DCP1A: variants seen among roughly 807,000 people sequenced by gnomAD.
DCP1A encodes decapping mRNA 1A, also known as mRNA-decapping enzyme 1A.
DCP1A carries 20 observed loss-of-function variants against 58.0 expected under a neutral mutation model. The ratio of observed to expected loss-of-function variants is 0.34; its 90% CI spans 0.24 to 0.50. The LOEUF is 0.50. Ranked by LOEUF, DCP1A falls within the 20% of genes least tolerant of loss-of-function variation. The pLI is 0.98. For synonymous variants in DCP1A, 285 were observed against 275.1 expected, an observed-to-expected ratio of 1.04 and a Z score of -0.36; for missense variants, 613 against 712.2, an observed-to-expected ratio of 0.86 and a Z score of 1.59.
rs528854476 is a variant in DCP1A at position 53,347,297 on chromosome 3, G to GC, written c.135+85dup. On this transcript the variant is annotated intron_variant, in intron 1 of 9. Coordinates refer to ENST00000610213, the MANE Select transcript of DCP1A (RefSeq NM_018403.7). Reference sequence around the variant, plus strand: ...CTCCACCGCCCTGGCCTCTTAGTGTGCCCCCCCACCCCACAGTAACCCGCG... The same window carrying GC: ...CTCCACCGCCCTGGCCTCTTAGTGTGCCCCCCCCACCCCACAGTAACCCGCG... 303 of 1,381,800 alleles carry GC rather than the reference G, an allele frequency of 2.2e-4. 4 individuals carry two copies. The East Asian group carries it at 4.6e-3, about 21-fold the overall frequency. The allele number at this position is 1,381,800 out of a possible 1,614,324, so 85.6% of individuals were successfully genotyped here. A position where few individuals can be genotyped will look rare whatever the true frequency, so the allele number is the denominator to read the frequency against.
At chr3:53,325,381 A>T (rs1414695247) in intron 3 of DCP1A, among the ~76,000 whole-genome samples, 5 of 152,178 alleles carry the variant, frequency 3.3e-5, no homozygotes, top group African/African-American at 1.2e-4. Context: ...AGGAGGCTGG[A>T]GATTTTCTCA....
intron 5 of DCP1A, among the ~76,000 whole-genome samples, chr3:53,305,667 G>A (rs896396817): frequency 1.3e-5 from 2 of 152,022 alleles, no homozygotes; most frequent in Non-Finnish European, 2.9e-5. Flanking sequence ...TGTTTCTCTA[G>A]GGTAAATACC....
At chr3:53,305,270 TGTG>T (rs1434572748) in intron 5 of DCP1A, among the ~76,000 whole-genome samples, 1 of 152,240 alleles carries the variant, frequency 6.6e-6, no homozygotes, top group Non-Finnish European at 1.5e-5. Context: ...GAAGCACATC[TGTG>T]TTGTTTCCGT....
At chr3:53,294,143 C>T (rs575943752) in intron 6 of DCP1A, among the ~76,000 whole-genome samples, 52 of 152,130 alleles carry the variant, frequency 3.4e-4, no homozygotes, top group Admixed American at 1.0e-3. Flanking sequence ...ATCTGAGACA[C>T]GTTAGAGGAT....
At chr3:53,342,337 AT>A (rs1553692630) in intron 2 of DCP1A, 66 bp from the exon 3 acceptor site, 1 of 1,166,146 alleles carries the variant, frequency 8.6e-7, no homozygotes, top group East Asian at 2.6e-5. Context: ...GTTATCTACT[AT>A]GTACTTTATT....
Position 53,287,592 on chromosome 3 carries a change from G to T in DCP1A, c.1737C>A (p.Asn579Lys). The T allele has an allele frequency of 1.2e-6, 2 of 1,609,246 alleles. No individual in the cohort carries two copies. Among genetic ancestry groups the T allele is most frequent in the African/African-American group, 2.7e-5 (2 of 74,816 alleles). The change falls in exon 10 of 10, where the codon AAC becomes AAA. Residue 579 changes from asparagine to lysine, a missense_variant. This residue lies in a region of DCP1A where 498 missense variants were observed against 556.7 expected (regional missense o/e 0.89). Transcript: ENST00000610213. ...YLQVLTKNKD[N>K]HNL ...TATTCTGCTCCAGTCATAGGTTGTGGTTGTCTTTGTTCTTGGTCAGAACCT... is the reference window on the plus strand; with the variant it reads ...TATTCTGCTCCAGTCATAGGTTGTGTTTGTCTTTGTTCTTGGTCAGAACCT...
At chr3:53,295,443 T>C (rs934318460) in intron 6 of DCP1A, among the ~76,000 whole-genome samples, 2 of 152,030 alleles carry the variant, frequency 1.3e-5, no homozygotes, top group East Asian at 1.9e-4. Context: ...AAAGATCTTA[T>C]ATGGTTCAAT....
chr3:53,320,355 A>C (rs1268175101), intron 3 of DCP1A, among the ~76,000 whole-genome samples: 1 of 146,796 alleles, frequency 6.8e-6, no homozygotes, highest in East Asian at 2.0e-4. Context: ...TAATATATTA[A>C]AGCTACTATA....
At chr3:53,310,440 T>G (rs1227776502) in intron 5 of DCP1A, among the ~76,000 whole-genome samples, 1 of 152,246 alleles carries the variant, frequency 6.6e-6, no homozygotes, top group East Asian at 1.9e-4. Context: ...TCTGCTTTAG[T>G]GCGCAGCACC....
chr3:53,308,500 A>C (rs1327744993), intron 5 of DCP1A, among the ~76,000 whole-genome samples: 1 of 152,124 alleles, frequency 6.6e-6, no homozygotes, highest in Non-Finnish European at 1.5e-5. Flanking sequence ...TTATATGTTG[A>C]CCAGGCCTGT....
intron 3 of DCP1A, chr3:53,338,267 C>T (rs558516660): frequency 1.1e-4 from 31 of 278,538 alleles, no homozygotes; most frequent in African/African-American, 6.6e-4. Context: ...GCCAAAAGGC[C>T]CTTGCACAGA....
chr3:53,334,203 G>A lies in DCP1A; in HGVS notation c.304+7941C>T, dbSNP rs968797867. ...CACTCAAGCCTCAGAGGTTGAGGCT[G>A]CAGAGAGCCATGATGGTGTGTTACT... is the stretch of plus-strand genomic sequence containing the variant. On this transcript the variant is annotated intron_variant, in intron 3 of 9. Transcript: ENST00000610213. 3.9e-5 allele frequency among the ~76,000 whole-genome samples: 6 copies of A among 152,158 alleles called. No individual in the cohort carries two copies. The South Asian group carries it at 1.2e-3, about 32-fold the overall frequency.
At position 53,312,341 on chromosome 3, in the gene DCP1A, G is replaced by A. The variant is rs371174565; in HGVS notation, c.410C>T (p.Ala137Val). 12 of 1,612,486 alleles carry A rather than the reference G, an allele frequency of 7.4e-6. No homozygotes were observed. In the African/African-American group the frequency reaches 1.5e-4, roughly 20 times the overall value. ...CTGGCTGGGACTCTGTTTGTCCCGA[G>A]CAGCTTGCTGGGATCGCCGTGTCTC... ...EEETRRSQQA[A>V]RDKQSPSQAN... is the part of the protein sequence containing the mutation. Residue 137 changes from alanine (A) to valine (V), a missense_variant, in exon 5 of 10, where the codon GCT (alanine) becomes GTT (valine). By Grantham distance (64) the Ala-to-Val change is moderately conservative. Around this residue, in one of 3 missense-constraint regions of DCP1A, gnomAD observed 498 missense variants for 556.7 expected, o/e 0.89. Transcript: ENST00000610213.
intron 3 of DCP1A, among the ~76,000 whole-genome samples, chr3:53,341,491 C>T (rs1350284703): frequency 6.6e-6 from 1 of 152,042 alleles, no homozygotes; most frequent in Non-Finnish European, 1.5e-5. Context: ...ATAATACTTT[C>T]TTTGTGGAAA....
At chr3:53,304,745 CT>C (rs374994319) in intron 5 of DCP1A, among the ~76,000 whole-genome samples, 48 of 145,416 alleles carry the variant, frequency 3.3e-4, no homozygotes, top group East Asian at 6.1e-4. Context: ...GCTGGTTTTT[CT>C]TTTTTTTTTT....
chr3:53,290,749 T>TACAAAAAAA, intron 8 of DCP1A, 42 bp downstream of exon 8: 1 of 681,424 alleles, frequency 1.5e-6, no homozygotes, highest in African/African-American at 5.4e-5. Flanking sequence ...CGACTAGTCT[T>TACAAAAAAA]AAAAAAAAAA....
chr3:53,313,722 G>A (rs1294197333), intron 4 of DCP1A, among the ~76,000 whole-genome samples: 1 of 151,572 alleles, frequency 6.6e-6, no homozygotes, highest in Admixed American at 6.6e-5. Context: ...CCAGGAGTTT[G>A]AGACCAGCCC....
At chr3:53,341,700 C>A (rs1187041762) in intron 3 of DCP1A, among the ~76,000 whole-genome samples, 1 of 151,946 alleles carries the variant, frequency 6.6e-6, no homozygotes, top group Non-Finnish European at 1.5e-5. Context: ...GTTTCAGAGC[C>A]CAGTTTATTT....
chr3:53,294,400 G>T (rs1262302121), intron 6 of DCP1A, among the ~76,000 whole-genome samples: 1 of 152,108 alleles, frequency 6.6e-6, no homozygotes, highest in African/African-American at 2.4e-5. Flanking sequence ...TTGGGTGGTG[G>T]TATCACTGCC....
Sources: allele counts gnomAD v4.1 joint callset (sites outside exome capture counted in the v4.1 genomes callset), GRCh38; gene constraint gnomAD v4.1.1; regional missense constraint gnomAD v4.1.1; transcripts MANE v1.5; gene names NCBI Gene and HGNC (gene_info 2026-07-23, HGNC 2026-07-21).